The following ILDR2 variants were observed in gnomAD, a reference collection of about 807,000 sequenced individuals.
ILDR2 encodes immunoglobulin like domain containing receptor 2.
Under a neutral mutation model 66.8 loss-of-function variants are expected in ILDR2, and 25 were observed. That is an observed-to-expected ratio of 0.37 (90% CI 0.27 to 0.52). The LOEUF (loss-of-function observed/expected upper bound fraction) is 0.52, where lower values mean the gene tolerates loss of function less well. Ranked by LOEUF, ILDR2 falls within the 20% of genes least tolerant of loss-of-function variation. The pLI is 0.88. For synonymous variants in ILDR2, 367 were observed against 357.2 expected, an observed-to-expected ratio of 1.03 and a Z score of -0.31; for missense variants, 827 against 876.8, an observed-to-expected ratio of 0.94 and a Z score of 0.72.
intron 3 of ILDR2, among the ~76,000 whole-genome samples, chr1:166,948,833 G>A (rs1263733562): frequency 6.6e-6 from 1 of 152,222 alleles, no homozygotes; most frequent in East Asian, 1.9e-4. Context: ...CGCTGGCGAT[G>A]TGGTGTGGGG....
chr1:166,919,513 G>T, intron 9 of ILDR2, 123 bp from the exon 10 acceptor site: 1 of 801,726 alleles, frequency 1.2e-6, no homozygotes, highest in Non-Finnish European at 1.9e-6. Flanking sequence ...CTGATTCTCA[G>T]AACCTTTCAT....
chr1:166,958,855 A>AG (rs1192751032), intron 1 of ILDR2, among the ~76,000 whole-genome samples: 1 of 152,206 alleles, frequency 6.6e-6, no homozygotes, highest in Non-Finnish European at 1.5e-5. Flanking sequence ...GCTACAGTTC[A>AG]GATGATCTTT....
At chr1:166,958,996 C>T (rs1171831196) in intron 1 of ILDR2, among the ~76,000 whole-genome samples, 4 of 152,170 alleles carry the variant, frequency 2.6e-5, no homozygotes, top group Admixed American at 6.5e-5. Context: ...CCTCACCTCT[C>T]ACCTCTTGAA....
intron 2 of ILDR2, among the ~76,000 whole-genome samples, chr1:166,898,831 G>A (rs536747856): frequency 3.3e-5 from 5 of 151,646 alleles, no homozygotes; most frequent in Admixed American, 1.3e-4. Context: ...AGGCCAAAGT[G>A]GTAGATTGCT....
rs1171829976 is a variant in ILDR2, at chr1:166,913,294, T to C, written c.*6061A>G. 6.6e-6 allele frequency: 1 copy of C among 152,172 alleles called. No individual in the cohort carries two copies. The highest frequency in any genetic ancestry group is 1.5e-5 in the Non-Finnish European group (1 of 68,022). 9.4% of individuals were successfully genotyped at this position (152,172 alleles called of 1,614,324 possible). On this transcript the variant is annotated 3_prime_UTR_variant, in exon 10 of 10. Transcript: ENST00000271417. ...AGAAAAAAAAAGTCATGGACAACAG[T>C]AATACAAACATTTCAGTTTTGATGT...
chr1:166,902,536 A>G (rs888107440), intron 2 of ILDR2, among the ~76,000 whole-genome samples: 3 of 152,270 alleles, frequency 2.0e-5, no homozygotes, highest in Non-Finnish European at 2.9e-5. Flanking sequence ...CTTGTATTAT[A>G]TAATTAGAGA....
At chr1:166,904,042 T>G (rs1443284584), downstream of ILDR2, among the ~76,000 whole-genome samples, 1 of 152,218 alleles carries the variant, frequency 6.6e-6, no homozygotes, top group Non-Finnish European at 1.5e-5. Flanking sequence ...CTCGCTGGAA[T>G]TTGAACTCCA....
intron 1 of ILDR2, among the ~76,000 whole-genome samples, chr1:166,964,621 C>A (rs993132971): frequency 6.6e-5 from 10 of 152,170 alleles, no homozygotes; most frequent in African/African-American, 2.4e-4. Context: ...AACTAGGAAA[C>A]CTGCCTAAAG....
intron 3 of ILDR2, 43 bp downstream of exon 3, chr1:166,956,690 C>G (rs1662303572): frequency 6.2e-7 from 1 of 1,606,596 alleles, no homozygotes; most frequent in South Asian, 1.1e-5. Context: ...AGTGCAAGTG[C>G]AAGTGGTCTA....
downstream of ILDR2, among the ~76,000 whole-genome samples, chr1:166,905,209 C>T (rs1301928140): frequency 6.6e-6 from 1 of 152,294 alleles, no homozygotes; most frequent in East Asian, 1.9e-4. Context: ...ACTCTGCTAG[C>T]CCATTCTGGC....
chr1:166,931,415 T>G (rs1180961111), intron 6 of ILDR2, among the ~76,000 whole-genome samples: 3 of 152,224 alleles, frequency 2.0e-5, no homozygotes, highest in Non-Finnish European at 2.9e-5. Flanking sequence ...GAGAAGTGAT[T>G]CTTAAAATTT....
Position 166,939,337 on chromosome 1 carries a change from T to G in ILDR2, c.556+177A>C, listed in dbSNP as rs543147511. Among the ~76,000 whole-genome samples the G allele has an allele frequency of 6.6e-5, 10 of 152,198 alleles. No individual in the cohort carries two copies. In the East Asian group the frequency reaches 1.9e-3, roughly 29 times the overall value. On this transcript the variant is annotated intron_variant, in intron 4 of 9. Coordinates refer to ENST00000271417, the MANE Select transcript of ILDR2 (RefSeq NM_199351.3). ...TTATCATTATTCTTTTAAGGCCTAG[T>G]AACAGAAGGAATGCAATTTAAAAGC...
Position 166,916,361 on chromosome 1 carries a change from A to G in ILDR2, c.*2994T>C, listed in dbSNP as rs1273377898. ...AAACTAAATCTCTGGTTTTATTATA[A>G]TTTATCCATAGCACTATTTCATACT... On this transcript the variant is annotated 3_prime_UTR_variant, in exon 10 of 10. Transcript: ENST00000271417. The G allele has an allele frequency of 6.6e-6, 1 of 152,232 alleles. No homozygotes were observed. Among genetic ancestry groups the G allele is most frequent in the Non-Finnish European group, 1.5e-5 (1 of 68,038 alleles). 9.4% of individuals were successfully genotyped at this position (152,232 alleles called of 1,614,324 possible).
chr1:166,921,055 C>G lies in ILDR2; in HGVS notation c.1536G>C (p.Arg512=). 6.7e-7 allele frequency: 1 copy of G among 1,494,998 alleles called. No individual in the cohort carries two copies. The highest frequency in any genetic ancestry group is 8.8e-7 in the Non-Finnish European group (1 of 1,132,626). The allele number at this position is 1,494,998 out of a possible 1,614,324, so 92.6% of individuals were successfully genotyped here. Residue 512 remains arginine, a synonymous_variant, in exon 9 of 10, where the codon CGG becomes CGC. Coordinates refer to ENST00000271417, the MANE Select transcript of ILDR2 (RefSeq NM_199351.3). This position sits in a 1 kb window ranked among gnomAD's most constrained non-coding sequence, Gnocchi z 5.3. ...CGGTGCCTGGCGTGCGGCTCACCAG[C>G]CGCGGCAGGTGCGCGTCCTCGGCGG... is the stretch of plus-strand genomic sequence containing the variant. The part of the protein sequence containing the change: ...RRPAEDAHLP[R]LVSRTPGTAP...
chr1:166,905,861 T>A (rs768818253), downstream of ILDR2, among the ~76,000 whole-genome samples: 5 of 152,200 alleles, frequency 3.3e-5, no homozygotes, highest in Admixed American at 6.5e-5. Flanking sequence ...ATACTCTATC[T>A]CAGAATCTCT....
At chr1:166,963,881 G>A (rs961513640) in intron 1 of ILDR2, among the ~76,000 whole-genome samples, 2 of 152,106 alleles carry the variant, frequency 1.3e-5, no homozygotes, top group African/African-American at 4.8e-5. Flanking sequence ...AGCACACGCT[G>A]GTACAACAGG....
chr1:166,897,232 G>A (rs1392106157), intron 2 of ILDR2, among the ~76,000 whole-genome samples: 2 of 152,194 alleles, frequency 1.3e-5, no homozygotes, highest in Non-Finnish European at 2.9e-5. Flanking sequence ...TGGAACAGAG[G>A]AGCTGTATTT....
At chr1:166,932,869 G>A (rs56407270) in intron 6 of ILDR2, among the ~76,000 whole-genome samples, 117,744 of 152,242 alleles carry the variant, frequency 0.77, 45,819 homozygotes, top group East Asian at 0.86. Flanking sequence ...TGACATTTTT[G>A]TAAATTAACA....
chr1:166,940,454 T>G (rs1297033349), intron 3 of ILDR2, among the ~76,000 whole-genome samples: 2 of 152,196 alleles, frequency 1.3e-5, no homozygotes, highest in Non-Finnish European at 2.9e-5. Context: ...TCTAAACTAG[T>G]AGTACCATAA....
Sources: gnomAD v4.1 joint callset for allele counts (sites outside exome capture counted in the v4.1 genomes callset) on GRCh38, gnomAD v4.1.1 for gene constraint, Gnocchi (gnomAD v3.1) non-coding constraint, MANE v1.5 for transcripts, NCBI Gene and HGNC (gene_info 2026-07-23, HGNC 2026-07-21) for gene names.